SIGLEC6: variants seen among roughly 807,000 people sequenced by gnomAD.
The protein encoded by SIGLEC6 is sialic acid binding Ig like lectin 6, also known as sialic acid-binding Ig-like lectin 6.
In SIGLEC6, 31 loss-of-function variants were observed where a neutral mutation model predicts 41.4. The ratio of observed to expected loss-of-function variants is 0.75; its 90% CI spans 0.56 to 1.01. SIGLEC6 has a LOEUF of 1.01. SIGLEC6 is among the 50% of genes least tolerant of loss of function. The pLI is 0.00. For synonymous variants in SIGLEC6, 217 were observed against 231.0 expected (o/e 0.94, Z 0.55); for missense variants, 555 against 558.6 (o/e 0.99, Z 0.06).
chr19:51,520,302 A>C, intron 7 of SIGLEC6, 47 bp from the exon 8 acceptor site: 2 of 1,398,258 alleles, frequency 1.4e-6, no homozygotes, highest in Non-Finnish European at 1.9e-6. Context: ...ATAGGTTCTC[A>C]AAGAAAGCAG....
Position 51,528,271 on chromosome 19 carries a change from A to G in SIGLEC6, c.1013-18T>C, listed in dbSNP as rs1266735005. The G allele has an allele frequency of 6.3e-7, 1 of 1,597,014 alleles. No homozygotes were observed. Among genetic ancestry groups the G allele is most frequent in the Admixed American group, 1.7e-5 (1 of 59,998 alleles). ...TGGTTTCCCTATAATTTGAATTTTA[A>G]GTGAACTCCAGTTCTAATTCCAGGA... On this transcript the variant is annotated intron_variant, in intron 5 of 7. Coordinates refer to ENST00000425629, the MANE Select transcript of SIGLEC6 (RefSeq NM_001245.7).
chr19:51,529,255 T>G, intron 5 of SIGLEC6: 1 of 165,874 alleles, frequency 6.0e-6, no homozygotes. Context: ...TAAATCCCTA[T>G]TGTTTAAGTC....
Position 51,520,132 on chromosome 19 carries a change from C to T in SIGLEC6, c.1312G>A (p.Glu438Lys). 1 of 1,597,428 alleles carries T rather than the reference C, an allele frequency of 6.3e-7. No homozygotes were observed. The highest frequency in any genetic ancestry group is 1.1e-5 in the South Asian group (1 of 89,240). Residue 438 changes from glutamate to lysine, a missense_variant, in exon 8 of 8, where the codon GAA (glutamate) becomes AAA (lysine). Coordinates refer to ENST00000425629, the MANE Select transcript of SIGLEC6 (RefSeq NM_001245.7). ...VLHFHKVQPQ[E>K]PKVTDTEYSE... is the part of the protein sequence containing the mutation. ...TACTCAGTGTCGGTGACCTTTGGTT[C>T]CTGAGGTTGCACCTTGTGGAAGTGT...
intron 5 of SIGLEC6, among the ~76,000 whole-genome samples, chr19:51,529,062 C>T (rs1014003315): frequency 6.7e-6 from 1 of 149,120 alleles, no homozygotes; most frequent in East Asian, 2.0e-4. Context: ...CAGACACCAC[C>T]ATGTGAAGAT....
At chr19:51,528,475 G>C (rs1979617808) in intron 5 of SIGLEC6, 1 of 574,574 alleles carries the variant, frequency 1.7e-6, no homozygotes, top group Non-Finnish European at 3.1e-6. Flanking sequence ...CTCTTGTCTG[G>C]GCCTTGGAAA....
At chr19:51,523,677 C>A (rs1456657454) in intron 7 of SIGLEC6, among the ~76,000 whole-genome samples, 1 of 152,154 alleles carries the variant, frequency 6.6e-6, no homozygotes, top group Non-Finnish European at 1.5e-5. Context: ...AGGAGAGGCC[C>A]AGTAAACACC....
At chr19:51,525,993 T>G (rs1979163860) in intron 7 of SIGLEC6, among the ~76,000 whole-genome samples, 1 of 151,814 alleles carries the variant, frequency 6.6e-6, no homozygotes, top group Non-Finnish European at 1.5e-5. Flanking sequence ...GCCCAGTCTC[T>G]CTTCCCTGTG....
At chr19:51,520,923 G>A (rs960062366) in intron 7 of SIGLEC6, among the ~76,000 whole-genome samples, 3 of 152,090 alleles carry the variant, frequency 2.0e-5, no homozygotes, top group African/African-American at 7.2e-5. Context: ...TGTGACATGT[G>A]CTAGATGTTA....
intron 7 of SIGLEC6, among the ~76,000 whole-genome samples, chr19:51,521,540 G>T (rs554553645): frequency 3.7e-4 from 57 of 152,304 alleles, no homozygotes; most frequent in African/African-American, 1.2e-3. Flanking sequence ...CTAAAGGTGT[G>T]AATTTCTGCA....
rs186401213 is a variant in SIGLEC6, at chr19:51,526,923, A to C, written c.1188+824T>G. ...ACACAATCAGAAGTATTAACAGCAGAATAAACCAAGCTGAGGAAAGAATAT... is the reference window on the plus strand; with the variant it reads ...ACACAATCAGAAGTATTAACAGCAGCATAAACCAAGCTGAGGAAAGAATAT... On this transcript the variant is annotated intron_variant, in intron 7 of 7. Transcript: ENST00000425629. Among the ~76,000 whole-genome samples, 119 of 152,350 alleles carry C rather than the reference A, an allele frequency of 7.8e-4. 1 individual carries two copies. In the Middle Eastern group the frequency reaches 0.014, roughly 17 times the overall value.
rs937203359 is a variant in SIGLEC6 at position 51,517,912 on chromosome 19, T to C, written c.*2170A>G. On this transcript the variant is annotated 3_prime_UTR_variant, in exon 8 of 8. Coordinates refer to ENST00000425629, the MANE Select transcript of SIGLEC6 (RefSeq NM_001245.7). ...TACACTCTTCTGAACTTTATGTTATTATAGTTTCTGGGCTATATAATATTG... is the reference window on the plus strand; with the variant it reads ...TACACTCTTCTGAACTTTATGTTATCATAGTTTCTGGGCTATATAATATTG... 6.6e-6 allele frequency among the ~76,000 whole-genome samples: 1 copy of C among 152,194 alleles called. No homozygotes were observed. Among genetic ancestry groups the C allele is most frequent in the African/African-American group, 2.4e-5 (1 of 41,456 alleles).
intron 7 of SIGLEC6, among the ~76,000 whole-genome samples, chr19:51,522,970 T>C (rs969339016): frequency 9.9e-5 from 15 of 152,106 alleles, no homozygotes; most frequent in African/African-American, 3.1e-4. Flanking sequence ...ACCCTGTCTT[T>C]ACAAAAATTT....
At chr19:51,520,487 C>G (rs892773609) in intron 7 of SIGLEC6, among the ~76,000 whole-genome samples, 1 of 151,960 alleles carries the variant, frequency 6.6e-6, no homozygotes, top group Admixed American at 6.6e-5. Context: ...CACCTGGGTT[C>G]GAATGAACCT....
At chr19:51,525,034 T>A (rs1319837929) in intron 7 of SIGLEC6, among the ~76,000 whole-genome samples, 4 of 152,190 alleles carry the variant, frequency 2.6e-5, no homozygotes, top group African/African-American at 9.7e-5. Flanking sequence ...CAGGCCCATG[T>A]GGAGCCCCAA....
In SIGLEC6 at chr19:51,518,917, G is replaced by A. The variant is rs545677653; in HGVS notation, c.*1165C>T. Among the ~76,000 whole-genome samples the A allele has an allele frequency of 6.6e-6, 1 of 152,136 alleles. No homozygotes were observed. The highest frequency in any genetic ancestry group is 1.5e-5 in the Non-Finnish European group (1 of 68,032). On this transcript the variant is annotated 3_prime_UTR_variant, in exon 8 of 8. Coordinates refer to ENST00000425629, the MANE Select transcript of SIGLEC6 (RefSeq NM_001245.7). Reference sequence around the variant, plus strand: ...AGTCGTGAAGAGTTCTGAACAGGGGGTGACACAGACACCTGGTGCTGTGGC... The same window carrying A: ...AGTCGTGAAGAGTTCTGAACAGGGGATGACACAGACACCTGGTGCTGTGGC...
rs1337771727 is a variant in SIGLEC6 at position 51,519,042 on chromosome 19, T to C, written c.*1040A>G. Among the ~76,000 whole-genome samples, 9 of 152,082 alleles carry C rather than the reference T, an allele frequency of 5.9e-5. No homozygotes were observed. Among genetic ancestry groups the C allele is most frequent in the African/African-American group, 2.2e-4 (9 of 41,400 alleles). On this transcript the variant is annotated 3_prime_UTR_variant, in exon 8 of 8. Transcript: ENST00000425629. ...CGGGTGCGGTGGCTCATGCCTGTAA[T>C]CTCAGCACTTTGGGAGGCCGAGGAG...
intron 7 of SIGLEC6, among the ~76,000 whole-genome samples, chr19:51,522,769 C>A (rs1978502595): frequency 6.6e-6 from 1 of 152,104 alleles, no homozygotes; most frequent in African/African-American, 2.4e-5. Flanking sequence ...CCACCCTGGG[C>A]AAAAGAGTGA....
intron 6 of SIGLEC6, 53 bp from the exon 7 acceptor site, chr19:51,527,881 C>A (rs1979503180): frequency 1.9e-6 from 3 of 1,555,382 alleles, no homozygotes; most frequent in Non-Finnish European, 2.7e-6. Flanking sequence ...CCTCTTTCCC[C>A]AAAAGAAAAC....
At position 51,517,966 on chromosome 19, in the gene SIGLEC6, C is replaced by G. The variant is rs997549523; in HGVS notation, c.*2116G>C. On this transcript the variant is annotated 3_prime_UTR_variant, in exon 8 of 8. Transcript: ENST00000425629. Reference sequence around the variant, plus strand: ...TTTCAATATTACATTTGATGTTTGACCCCTCTACAAACCATCATTTTTACA... The same window carrying G: ...TTTCAATATTACATTTGATGTTTGAGCCCTCTACAAACCATCATTTTTACA... Among the ~76,000 whole-genome samples, 1 of 152,054 alleles carries G rather than the reference C, an allele frequency of 6.6e-6. No individual in the cohort carries two copies.
Sources: allele counts gnomAD v4.1 joint callset (sites outside exome capture counted in the v4.1 genomes callset), GRCh38; gene constraint gnomAD v4.1.1; transcripts MANE v1.5; gene names NCBI Gene and HGNC (gene_info 2026-07-23, HGNC 2026-07-21).